The following ADGRB3 variants were observed in gnomAD, a reference collection of about 807,000 sequenced individuals.
The protein encoded by ADGRB3 is adhesion G protein-coupled receptor B3.
In ADGRB3, 37 loss-of-function variants were observed where a neutral mutation model predicts 193.4. The ratio of observed to expected loss-of-function variants is 0.19; its 90% CI spans 0.15 to 0.25. The LOEUF is 0.25. Ranked by LOEUF, ADGRB3 falls within the 10% of genes least tolerant of loss-of-function variation. ADGRB3 has a pLI of 1.00. For synonymous variants in ADGRB3, 690 were observed against 644.2 expected (o/e 1.07, Z -1.08); for missense variants, 1,637 against 1,852.9 (o/e 0.88, Z 2.14).
chr6:68,805,125 G>T (rs1767378306), intron 3 of ADGRB3, among the ~76,000 whole-genome samples: 1 of 151,984 alleles, frequency 6.6e-6, no homozygotes, highest in Non-Finnish European at 1.5e-5. Flanking sequence ...TAGAGACAAG[G>T]TCTCACTAGG....
intron 17 of ADGRB3, among the ~76,000 whole-genome samples, chr6:69,190,589 G>A (rs1273785149): frequency 2.6e-5 from 4 of 151,938 alleles, no homozygotes; most frequent in African/African-American, 7.3e-5. Flanking sequence ...ATTTATTATT[G>A]AAGAAAGAAA....
chr6:69,373,457 A>G (rs1769747948), intron 30 of ADGRB3, among the ~76,000 whole-genome samples: 1 of 152,102 alleles, frequency 6.6e-6, no homozygotes, highest in Non-Finnish European at 1.5e-5. Context: ...TTTCAGTAAC[A>G]TTTCAGACTA....
At chr6:69,093,105 C>G (rs187134680) in intron 17 of ADGRB3, among the ~76,000 whole-genome samples, 1 of 149,802 alleles carries the variant, frequency 6.7e-6, no homozygotes, top group Non-Finnish European at 1.5e-5. Context: ...CAAGGAAGAG[C>G]GGGGTGGGCA....
intron 3 of ADGRB3, among the ~76,000 whole-genome samples, chr6:68,876,544 G>A (rs1164642353): frequency 1.3e-5 from 2 of 152,160 alleles, no homozygotes; most frequent in East Asian, 3.8e-4. Flanking sequence ...TGAATGGATG[G>A]ATAGTTTACT....
chr6:68,937,853 TTATGAA>T (rs1767523013), intron 5 of ADGRB3, among the ~76,000 whole-genome samples: 1 of 152,180 alleles, frequency 6.6e-6, no homozygotes, highest in East Asian at 1.9e-4. Flanking sequence ...TTTCACAACA[TTATGAA>T]TATAGGTAAT....
At chr6:69,334,946 A>G (rs1237833879) in intron 24 of ADGRB3, among the ~76,000 whole-genome samples, 1 of 152,190 alleles carries the variant, frequency 6.6e-6, no homozygotes, top group East Asian at 1.9e-4. Flanking sequence ...ACTTTAGAGT[A>G]TCTAACATAT....
chr6:68,983,806 G>T (rs1303272165), intron 10 of ADGRB3, among the ~76,000 whole-genome samples: 1 of 152,040 alleles, frequency 6.6e-6, no homozygotes, highest in Non-Finnish European at 1.5e-5. Context: ...ACAGAATAAT[G>T]TTTGGAAACG....
rs573209096 is a variant in ADGRB3, at chr6:69,291,585, A to G, written c.2815-33287A>G. Among the ~76,000 whole-genome samples the G allele has an allele frequency of 3.7e-4, 57 of 152,256 alleles. 1 individual carries two copies. Among genetic ancestry groups the G allele is most frequent in the African/African-American group, 1.3e-3 (55 of 41,552 alleles). ...GTAACTGCATTTATTTTTAATATTC[A>G]GAATTGGGTTACTCATAAAAACATT... is the stretch of plus-strand genomic sequence containing the variant. On this transcript the variant is annotated intron_variant, in intron 20 of 31. Transcript: ENST00000370598.
At position 69,389,047 on chromosome 6, in the gene ADGRB3, T is replaced by C. The variant is rs1267624403; in HGVS notation, c.*156T>C. The stretch of plus-strand genomic sequence containing the variant: ...GTGTTTTCATATGGTAACTTCTCAC[T>C]AGTCAGGCTAGTGGAGAGATGACCA... On this transcript the variant is annotated 3_prime_UTR_variant, in exon 32 of 32. Transcript: ENST00000370598. 6 of 678,562 alleles carry C rather than the reference T, an allele frequency of 8.8e-6. No individual in the cohort carries two copies. In the East Asian group the frequency reaches 1.4e-4, roughly 16 times the overall value. 42.0% of individuals were successfully genotyped at this position (678,562 alleles called of 1,614,324 possible).
intron 3 of ADGRB3, among the ~76,000 whole-genome samples, chr6:68,766,156 TTC>T (rs1448827595): frequency 2.0e-5 from 3 of 152,028 alleles, no homozygotes; most frequent in African/African-American, 2.4e-5. Context: ...TGTTGATAAT[TTC>T]TGTTTCATTT....
chr6:69,151,673 G>T (rs1178270868), intron 17 of ADGRB3, among the ~76,000 whole-genome samples: 5 of 152,118 alleles, frequency 3.3e-5, no homozygotes, highest in Non-Finnish European at 2.9e-5. Flanking sequence ...TGGCCATTTT[G>T]CTCTGCCCTG....
rs1768762974 is a variant in ADGRB3, at chr6:69,333,133, T to C, written c.3188+125T>C. ...GTTATTGATGTACTAGTGTGTCCAG[T>C]AGATTCTGCTATATAAAAGTTTCCA... On this transcript the variant is annotated intron_variant, in intron 24 of 31. Transcript: ENST00000370598. The C allele has an allele frequency of 5.7e-6, 6 of 1,044,638 alleles. No individual in the cohort carries two copies. The Admixed American group carries it at 1.2e-4, about 20-fold the overall frequency. The allele number at this position is 1,044,638 out of a possible 1,614,324, so 64.7% of individuals were successfully genotyped here. A position where few individuals can be genotyped will look rare whatever the true frequency, so the allele number is the denominator to read the frequency against.
chr6:68,951,443 A>G (rs966805025), intron 6 of ADGRB3, among the ~76,000 whole-genome samples: 1 of 152,006 alleles, frequency 6.6e-6, no homozygotes, highest in African/African-American at 2.4e-5. Context: ...TGGTTTATTC[A>G]TTTACTCGTT....
At chr6:69,187,803 G>GT (rs908456974) in intron 17 of ADGRB3, among the ~76,000 whole-genome samples, 1 of 152,176 alleles carries the variant, frequency 6.6e-6, no homozygotes, top group East Asian at 1.9e-4. Flanking sequence ...TGGAGGCACA[G>GT]TGGATGTGAA....
At chr6:68,872,181 A>G (rs1582271986) in intron 3 of ADGRB3, among the ~76,000 whole-genome samples, 1 of 152,180 alleles carries the variant, frequency 6.6e-6, no homozygotes, top group Non-Finnish European at 1.5e-5. Flanking sequence ...CAATGTTTAC[A>G]GTATTTGCAA....
intron 17 of ADGRB3, among the ~76,000 whole-genome samples, chr6:69,102,573 G>A (rs146808459): frequency 1.1e-4 from 17 of 152,292 alleles, no homozygotes; most frequent in African/African-American, 3.4e-4. Flanking sequence ...CTGAGCTAAC[G>A]GGGAGCAGAG....
rs1021868597 is a variant in ADGRB3, at chr6:69,153,221, T to C, written c.2480+77183T>C. Among the ~76,000 whole-genome samples the C allele has an allele frequency of 4.6e-5, 7 of 152,146 alleles. No homozygotes were observed. In the East Asian group the frequency reaches 9.6e-4, roughly 21 times the overall value. On this transcript the variant is annotated intron_variant, in intron 17 of 31. Transcript: ENST00000370598. Reference sequence around the variant, plus strand: ...TAGTATTAGGGCAGAGATTAACCCATGGCAGAAAAAAAGAGAACTATAAAG... The same window carrying C: ...TAGTATTAGGGCAGAGATTAACCCACGGCAGAAAAAAAGAGAACTATAAAG...
At chr6:68,829,448 T>C (rs1486777019) in intron 3 of ADGRB3, among the ~76,000 whole-genome samples, 1 of 152,058 alleles carries the variant, frequency 6.6e-6, no homozygotes, top group African/African-American at 2.4e-5. Flanking sequence ...TATTAGATCA[T>C]TGCTGTAGAA....
intron 14 of ADGRB3, among the ~76,000 whole-genome samples, chr6:69,048,845 T>TA (rs1771311487): frequency 6.6e-6 from 1 of 152,132 alleles, no homozygotes; most frequent in Non-Finnish European, 1.5e-5. Context: ...ACTTAAAGTT[T>TA]AAAAGAAAAC....
Sources: gnomAD v4.1 joint callset for allele counts (sites outside exome capture counted in the v4.1 genomes callset) on GRCh38, gnomAD v4.1.1 for gene constraint, MANE v1.5 for transcripts, NCBI Gene and HGNC (gene_info 2026-07-23, HGNC 2026-07-21) for gene names.